Variants in TMEM123 observed in about 807,000 individuals in gnomAD.
TMEM123 encodes the protein transmembrane protein 123.
TMEM123 carries 16 observed loss-of-function variants against 19.7 expected under a neutral mutation model. The observed-to-expected ratio is 0.81, with a 90% confidence interval of 0.55 to 1.23. The LOEUF (loss-of-function observed/expected upper bound fraction) is 1.23, where lower values mean the gene tolerates loss of function less well. Ranked by LOEUF, TMEM123 falls within the 50% of genes most tolerant of loss-of-function variation. TMEM123 has a pLI of 0.00. For synonymous variants in TMEM123, 118 were observed against 99.4 expected (o/e 1.19, Z -1.12); for missense variants, 313 against 257.8 (o/e 1.21, Z -1.47).
intron 2 of TMEM123, among the ~76,000 whole-genome samples, chr11:102,403,893 C>T (rs1489405130): frequency 6.6e-6 from 1 of 152,196 alleles, no homozygotes; most frequent in Non-Finnish European, 1.5e-5. Context: ...TTACCCACTT[C>T]CCCTTTGACC....
At chr11:102,449,549 C>T (rs200967838) in intron 1 of TMEM123, 1 of 44,832 alleles carries the variant, frequency 2.2e-5, no homozygotes, top group Non-Finnish European at 5.7e-5. Context: ...CTCTCCCCCA[C>T]TTAAAAAAAA....
At chr11:102,433,699 A>G (rs1857735066) in intron 2 of TMEM123, among the ~76,000 whole-genome samples, 1 of 151,866 alleles carries the variant, frequency 6.6e-6, no homozygotes, top group African/African-American at 2.4e-5. Flanking sequence ...CTCAAATTTC[A>G]TCTTGAATTG....
At chr11:102,444,139 C>T (rs987644936) in intron 2 of TMEM123, among the ~76,000 whole-genome samples, 6 of 152,154 alleles carry the variant, frequency 3.9e-5, no homozygotes, top group Middle Eastern at 3.2e-3. Flanking sequence ...GACAGTGTGG[C>T]GATTCCTCAA....
At chr11:102,433,977 A>G (rs920884218) in intron 2 of TMEM123, among the ~76,000 whole-genome samples, 4 of 151,948 alleles carry the variant, frequency 2.6e-5, no homozygotes. Flanking sequence ...TAAATTATCC[A>G]GTCTCCAATA....
chr11:102,423,257 C>T (rs1057319547), intron 2 of TMEM123, among the ~76,000 whole-genome samples: 3 of 152,190 alleles, frequency 2.0e-5, no homozygotes, highest in African/African-American at 4.8e-5. Flanking sequence ...ATAAGCCCCC[C>T]TTCAAAAAGT....
At chr11:102,419,371 T>A (rs942062986) in intron 2 of TMEM123, among the ~76,000 whole-genome samples, 3 of 152,332 alleles carry the variant, frequency 2.0e-5, no homozygotes, top group Non-Finnish European at 2.9e-5. Context: ...GTACCTTGTA[T>A]ACCTGCCTGG....
chr11:102,441,593 A>G (rs1190204174), intron 2 of TMEM123, among the ~76,000 whole-genome samples: 2 of 152,224 alleles, frequency 1.3e-5, no homozygotes, highest in Admixed American at 1.3e-4. Context: ...AGAAAGCAGG[A>G]AAGATCTAAA....
chr11:102,410,573 C>T (rs1279595809), intron 2 of TMEM123, among the ~76,000 whole-genome samples: 2 of 151,896 alleles, frequency 1.3e-5, no homozygotes, highest in Non-Finnish European at 2.9e-5. Context: ...GATATTTTCC[C>T]TCTGTTCCTG....
At chr11:102,452,415 C>T in intron 1 of TMEM123, 109 bp downstream of exon 1, 2 of 974,232 alleles carry the variant, frequency 2.1e-6, no homozygotes, top group Non-Finnish European at 2.7e-6. Flanking sequence ...CCCGAGCGTT[C>T]GGCCAGACAC....
chr11:102,447,949 T>A (rs981118347), intron 2 of TMEM123, among the ~76,000 whole-genome samples: 5 of 152,178 alleles, frequency 3.3e-5, no homozygotes, highest in Non-Finnish European at 5.9e-5. Flanking sequence ...CACTGACCTT[T>A]ACACTTTAAA....
intron 2 of TMEM123, among the ~76,000 whole-genome samples, chr11:102,430,201 T>G (rs1246464649): frequency 6.6e-6 from 1 of 152,194 alleles, no homozygotes; most frequent in Non-Finnish European, 1.5e-5. Flanking sequence ...AGGTGGTGAT[T>G]TGTTTTGACC....
At chr11:102,443,805 A>G (rs987220023) in intron 2 of TMEM123, among the ~76,000 whole-genome samples, 3 of 152,230 alleles carry the variant, frequency 2.0e-5, no homozygotes, top group African/African-American at 7.2e-5. Flanking sequence ...CCATCTGACA[A>G]AGGGCTAATA....
chr11:102,437,625 C>T (rs557986789), intron 2 of TMEM123, among the ~76,000 whole-genome samples: 3 of 152,056 alleles, frequency 2.0e-5, no homozygotes, highest in Non-Finnish European at 1.5e-5. Context: ...AAAGAAAGCA[C>T]CAGTGCAGTT....
At chr11:102,420,632 G>A (rs1355157724) in intron 2 of TMEM123, among the ~76,000 whole-genome samples, 1 of 152,210 alleles carries the variant, frequency 6.6e-6, no homozygotes, top group Non-Finnish European at 1.5e-5. Context: ...TGGCTAAGGA[G>A]TCCCTGCACT....
Position 102,396,638 on chromosome 11 carries a change from GA to G in TMEM123, c.*2228del, listed in dbSNP as rs1951858243. 1 of 152,028 alleles carries G rather than the reference GA, an allele frequency of 6.6e-6. No homozygotes were observed. Among genetic ancestry groups the G allele is most frequent in the Non-Finnish European group, 1.5e-5 (1 of 67,994 alleles). 9.4% of individuals were successfully genotyped at this position (152,028 alleles called of 1,614,324 possible). ...AACTGAGCATTTTTTTTATGCTTAA[GA>G]AATATGGTCCAAAGCAAAATATTTT... On this transcript the variant is annotated 3_prime_UTR_variant, in exon 5 of 5. Transcript: ENST00000398136.
intron 2 of TMEM123, among the ~76,000 whole-genome samples, chr11:102,438,607 A>T (rs1489125489): frequency 6.6e-6 from 1 of 152,228 alleles, no homozygotes; most frequent in African/African-American, 2.4e-5. Flanking sequence ...TGATGTTAAA[A>T]ATTACCAGCA....
intron 2 of TMEM123, among the ~76,000 whole-genome samples, chr11:102,426,279 A>G (rs1441601298): frequency 6.6e-6 from 1 of 152,154 alleles, no homozygotes; most frequent in African/African-American, 2.4e-5. Context: ...TCTTAACAAT[A>G]ATAACAGTTA....
chr11:102,445,437 TA>T (rs1170919991), intron 2 of TMEM123, among the ~76,000 whole-genome samples: 3 of 152,246 alleles, frequency 2.0e-5, no homozygotes, highest in African/African-American at 7.2e-5. Context: ...CATTTGCAAC[TA>T]AAGCAACCTG....
intron 2 of TMEM123, among the ~76,000 whole-genome samples, chr11:102,407,415 C>T (rs1393386758): frequency 6.6e-6 from 1 of 152,194 alleles, no homozygotes; most frequent in African/African-American, 2.4e-5. Flanking sequence ...CAGGGGAAGG[C>T]TGTGTGTGAC....
Sources: allele counts gnomAD v4.1 joint callset (sites outside exome capture counted in the v4.1 genomes callset), GRCh38; gene constraint gnomAD v4.1.1; transcripts MANE v1.5; gene names NCBI Gene and HGNC (gene_info 2026-07-23, HGNC 2026-07-21).